Variants in GALNT17 observed in about 807,000 individuals in gnomAD.
GALNT17 encodes the protein UDP-GalNAc:polypeptide N-acetylgalactosaminyltransferase-like 3.
A neutral mutation model predicts 63.7 loss-of-function variants in GALNT17; 29 were observed. The ratio of observed to expected loss-of-function variants is 0.46; its 90% CI spans 0.34 to 0.62. The LOEUF (loss-of-function observed/expected upper bound fraction) is 0.62. Ranked by LOEUF, GALNT17 falls within the 20% of genes least tolerant of loss-of-function variation. GALNT17 has a pLI of 0.01. For synonymous variants in GALNT17, 305 were observed against 318.3 expected (o/e 0.96, Z 0.45); for missense variants, 603 against 799.6 (o/e 0.75, Z 2.97).
chr7:71,598,104 C>T (rs142260733), intron 6 of GALNT17, among the ~76,000 whole-genome samples: 4,819 of 152,078 alleles, frequency 0.032, 238 homozygotes, highest in African/African-American at 0.11. Flanking sequence ...CCACCATGCC[C>T]GGCTAATTTT....
chr7:71,590,209 A>G (rs1010746180), intron 6 of GALNT17, among the ~76,000 whole-genome samples: 1 of 152,192 alleles, frequency 6.6e-6, no homozygotes, highest in Non-Finnish European at 1.5e-5. Context: ...ATTTTTATAA[A>G]TGATGTCTAA....
At chr7:71,564,719 G>A (rs1398257210) in intron 5 of GALNT17, among the ~76,000 whole-genome samples, 2 of 152,178 alleles carry the variant, frequency 1.3e-5, no homozygotes, top group African/African-American at 4.8e-5. Context: ...CACAGGTGGA[G>A]GTCTGGTTTC....
chr7:71,380,711 G>A (rs1448470920), intron 2 of GALNT17, among the ~76,000 whole-genome samples: 1 of 152,080 alleles, frequency 6.6e-6, no homozygotes, highest in Admixed American at 6.5e-5. Flanking sequence ...GACGAGGCAA[G>A]GCTCTGAGGT....
intron 5 of GALNT17, among the ~76,000 whole-genome samples, chr7:71,525,522 ATGAG>A (rs538872091): frequency 1.6e-3 from 242 of 151,460 alleles, no homozygotes; most frequent in African/African-American, 5.5e-3. Context: ...TCTTGTGGTA[ATGAG>A]TAAGTCTCAT....
intron 5 of GALNT17, among the ~76,000 whole-genome samples, chr7:71,424,321 T>C (rs1786719886): frequency 6.6e-6 from 1 of 152,292 alleles, no homozygotes; most frequent in Non-Finnish European, 1.5e-5. Flanking sequence ...GTCTTCACAC[T>C]GATACACGGG....
intron 1 of GALNT17, among the ~76,000 whole-genome samples, chr7:71,182,673 A>T (rs1184395079): frequency 2.0e-5 from 3 of 152,068 alleles, no homozygotes; most frequent in Admixed American, 6.6e-5. Context: ...AATTCTTCAC[A>T]AGCAGACGAG....
At chr7:71,306,637 GT>G (rs1791303836) in intron 1 of GALNT17, among the ~76,000 whole-genome samples, 1 of 152,218 alleles carries the variant, frequency 6.6e-6, no homozygotes, top group East Asian at 1.9e-4. Context: ...AATAATTGCT[GT>G]TTTTGCCATT....
intron 1 of GALNT17, among the ~76,000 whole-genome samples, chr7:71,146,110 G>A (rs1312421062): frequency 2.0e-5 from 3 of 152,114 alleles, no homozygotes; most frequent in Non-Finnish European, 4.4e-5. Flanking sequence ...GATCCTTCGG[G>A]AGGCGGTGGA....
chr7:71,393,825 C>A (rs1793092024), intron 3 of GALNT17, among the ~76,000 whole-genome samples: 1 of 152,186 alleles, frequency 6.6e-6, no homozygotes, highest in South Asian at 2.1e-4. Flanking sequence ...CTCTGTACAT[C>A]CAGCTGAAAT....
At chr7:71,356,644 G>A (rs1212248097) in intron 2 of GALNT17, among the ~76,000 whole-genome samples, 2 of 152,298 alleles carry the variant, frequency 1.3e-5, no homozygotes, top group Non-Finnish European at 2.9e-5. Context: ...ACTACCATGA[G>A]GATAGCTCCA....
intron 7 of GALNT17, among the ~76,000 whole-genome samples, chr7:71,665,941 T>G (rs1790978635): frequency 6.6e-6 from 1 of 152,122 alleles, no homozygotes; most frequent in Admixed American, 6.6e-5. Flanking sequence ...ATCCTGCCAG[T>G]GTGTGACTTC....
chr7:71,235,560 A>G (rs1789872648), intron 1 of GALNT17, among the ~76,000 whole-genome samples: 1 of 152,244 alleles, frequency 6.6e-6, no homozygotes, highest in South Asian at 2.1e-4. Context: ...TAGTTTCCAT[A>G]AGACCAGAAA....
intron 9 of GALNT17, among the ~76,000 whole-genome samples, chr7:71,701,329 G>C (rs181841887): frequency 6.6e-6 from 1 of 151,820 alleles, no homozygotes; most frequent in African/African-American, 2.4e-5. Context: ...TCTACTAAAA[G>C]TATAAAAATT....
intron 1 of GALNT17, among the ~76,000 whole-genome samples, chr7:71,135,086 A>C (rs1787758371): frequency 6.6e-6 from 1 of 152,052 alleles, no homozygotes; most frequent in Non-Finnish European, 1.5e-5. Flanking sequence ...TCCTGGCTTC[A>C]AGCAATCCTC....
chr7:71,208,282 C>T (rs1186951383), intron 1 of GALNT17, among the ~76,000 whole-genome samples: 2 of 152,036 alleles, frequency 1.3e-5, no homozygotes, highest in Non-Finnish European at 2.9e-5. Context: ...CAAAACACAA[C>T]AGATGCCTGC....
At chr7:71,690,105 A>G (rs1791419599) in intron 9 of GALNT17, among the ~76,000 whole-genome samples, 1 of 151,540 alleles carries the variant, frequency 6.6e-6, no homozygotes, top group South Asian at 2.1e-4. Context: ...GCTCACTGCA[A>G]TCTCCGACTC....
At chr7:71,335,521 A>G (rs1339087401) in intron 1 of GALNT17, 29 bp from the exon 2 acceptor site, 4 of 1,522,398 alleles carry the variant, frequency 2.6e-6, no homozygotes, top group Non-Finnish European at 1.8e-6. Flanking sequence ...TGGTTTTCTA[A>G]TAATTCTTTT....
chr7:71,532,341 C>T (rs1417919034), intron 5 of GALNT17, among the ~76,000 whole-genome samples: 1 of 152,054 alleles, frequency 6.6e-6, no homozygotes, highest in Non-Finnish European at 1.5e-5. Flanking sequence ...GGACTTCTTG[C>T]CCCAGTATCA....
intron 1 of GALNT17, among the ~76,000 whole-genome samples, chr7:71,282,163 T>G (rs1340032296): frequency 2.0e-5 from 3 of 152,204 alleles, no homozygotes; most frequent in Non-Finnish European, 4.4e-5. Context: ...CCATTCAGTG[T>G]GATGCTTTCT....
Sources: allele counts gnomAD v4.1 joint callset (sites outside exome capture counted in the v4.1 genomes callset), GRCh38; gene constraint gnomAD v4.1.1; transcripts MANE v1.5; gene names NCBI Gene and HGNC (gene_info 2026-07-23, HGNC 2026-07-21).